The following TMEM71 variants were observed in gnomAD, a reference collection of about 807,000 sequenced individuals.
TMEM71 encodes transmembrane protein 71.
In TMEM71, 44 loss-of-function variants were observed where a neutral mutation model predicts 38.0. The observed-to-expected ratio is 1.16, with a 90% CI of 0.91 to 1.49. The LOEUF (loss-of-function observed/expected upper bound fraction) is 1.49, where lower values mean the gene tolerates loss of function less well. Ranked by LOEUF, TMEM71 falls within the 40% of genes most tolerant of loss-of-function variation. TMEM71 has a pLI of 0.00. For synonymous variants in TMEM71, 133 were observed against 122.5 expected, an observed-to-expected ratio of 1.09 and a Z score of -0.56; for missense variants, 367 against 348.6, an observed-to-expected ratio of 1.05 and a Z score of -0.42.
chr8:132,721,344 A>G (rs1826831254), intron 7 of TMEM71, among the ~76,000 whole-genome samples: 1 of 152,132 alleles, frequency 6.6e-6, no homozygotes, highest in Non-Finnish European at 1.5e-5. Context: ...TACAAATACA[A>G]TGGGAAGGGT....
At chr8:132,748,870 T>C (rs1828538083) in intron 4 of TMEM71, among the ~76,000 whole-genome samples, 2 of 152,178 alleles carry the variant, frequency 1.3e-5, no homozygotes, top group Admixed American at 1.3e-4. Context: ...TGGAATCCTA[T>C]TTCCACCTAA....
chr8:132,753,934 A>G (rs993628310), intron 3 of TMEM71, among the ~76,000 whole-genome samples: 3 of 152,064 alleles, frequency 2.0e-5, no homozygotes, highest in African/African-American at 7.2e-5. Context: ...CTATTTAAAG[A>G]GAGTTTCCAT....
chr8:132,729,293 G>T (rs1413512440), intron 5 of TMEM71, among the ~76,000 whole-genome samples: 1 of 152,116 alleles, frequency 6.6e-6, no homozygotes, highest in Non-Finnish European at 1.5e-5. Flanking sequence ...TCAACCACAG[G>T]GATAGTTAAG....
At chr8:132,738,366 T>C (rs1447794546) in intron 5 of TMEM71, among the ~76,000 whole-genome samples, 1 of 152,182 alleles carries the variant, frequency 6.6e-6, no homozygotes, top group African/African-American at 2.4e-5. Flanking sequence ...TACCTCAGTT[T>C]TCTTTGATTC....
chr8:132,726,885 ACCCAGG>A (rs1827173695), intron 6 of TMEM71, among the ~76,000 whole-genome samples: 1 of 144,162 alleles, frequency 6.9e-6, no homozygotes, highest in Non-Finnish European at 1.5e-5. Context: ...TTACTCTGTC[ACCCAGG>A]CTGGAATGCA....
rs780728302 is a variant in TMEM71, at chr8:132,728,036, G to T, written c.488-50C>A. 3.9e-5 allele frequency: 54 copies of T among 1,401,734 alleles called. No individual in the cohort carries two copies. In the Middle Eastern group the frequency reaches 1.0e-3, roughly 26 times the overall value. 86.8% of individuals were successfully genotyped at this position (1,401,734 alleles called of 1,614,324 possible). A position where few individuals can be genotyped will look rare whatever the true frequency, so the allele number is the denominator to read the frequency against. On this transcript the variant is annotated intron_variant, in intron 5 of 9. Coordinates refer to ENST00000677595, the MANE Select transcript of TMEM71 (RefSeq NM_001382403.1). ...TGAGTGTGTGTGTGTGTGTGTGTGT[G>T]TGTGTGTGTGTGTTCAGTGACTGCT... is the stretch of plus-strand genomic sequence containing the variant.
downstream of TMEM71, among the ~76,000 whole-genome samples, chr8:132,707,211 C>T (rs984206356): frequency 1.3e-5 from 2 of 151,980 alleles, no homozygotes; most frequent in African/African-American, 4.8e-5. Flanking sequence ...TATTTAGAAA[C>T]GTAATTGGTA....
At chr8:132,767,249 G>C in the TMEM71 span, among the ~76,000 whole-genome samples, 2 of 152,026 alleles carry the variant, frequency 1.3e-5, no homozygotes, top group Non-Finnish European at 2.9e-5. Flanking sequence ...GCGTTTCTTG[G>C]GGGCAGAGCA....
At chr8:132,713,920 A>G in intron 9 of TMEM71, 75 bp downstream of exon 9, 4 of 1,432,682 alleles carry the variant, frequency 2.8e-6, no homozygotes, top group Non-Finnish European at 3.9e-6. Context: ...TCTACTATGC[A>G]GCAGAAACCA....
At chr8:132,742,233 T>C (rs978638884) in intron 5 of TMEM71, among the ~76,000 whole-genome samples, 1 of 152,258 alleles carries the variant, frequency 6.6e-6, no homozygotes, top group Non-Finnish European at 1.5e-5. Context: ...GGTATAACTA[T>C]TTTTGTTTTA....
chr8:132,766,382 G>C, the TMEM71 span, among the ~76,000 whole-genome samples: 1 of 125,418 alleles, frequency 8.0e-6, no homozygotes, highest in African/African-American at 3.0e-5. Flanking sequence ...GTGATGGGTA[G>C]ATGTATATCA....
chr8:132,732,323 AG>A (rs1477327193), intron 5 of TMEM71, among the ~76,000 whole-genome samples: 2 of 152,138 alleles, frequency 1.3e-5, no homozygotes, highest in Non-Finnish European at 2.9e-5. Context: ...GAGAGACAGC[AG>A]GAAGAGGACA....
At chr8:132,759,283 C>T (rs1829199421) in intron 1 of TMEM71, 1 of 158,610 alleles carries the variant, frequency 6.3e-6, no homozygotes, top group African/African-American at 2.4e-5. Flanking sequence ...TCATTTAGCC[C>T]CAAAACAAAC....
rs368960025 is a variant in TMEM71, at chr8:132,751,935, G to C, written c.164C>G (p.Thr55Arg). The C allele has an allele frequency of 5.0e-6, 8 of 1,614,006 alleles. No individual in the cohort carries two copies. Among genetic ancestry groups the C allele is most frequent in the Admixed American group, 1.7e-5 (1 of 59,998 alleles). The change falls in exon 4 of 10, where the codon ACA (threonine) becomes AGA (arginine). Residue 55 changes from threonine to arginine, a missense_variant. Thr to Arg is a moderately conservative substitution (Grantham distance 71). Coordinates refer to ENST00000677595, the MANE Select transcript of TMEM71 (RefSeq NM_001382403.1). ...TCGGCGACAGGTATAGTGGGAGCCT[G>C]TCAGGGGATCTATGGAGCCGCATTC... The part of the protein sequence containing the change: ...SFECGSIDPL[T>R]GSHYTCRRSP...
chr8:132,737,654 C>T (rs568340779), intron 5 of TMEM71, among the ~76,000 whole-genome samples: 1 of 152,288 alleles, frequency 6.6e-6, no homozygotes, highest in South Asian at 2.1e-4. Flanking sequence ...ATAATAATAA[C>T]TCAGAGGCTT....
At chr8:132,720,700 A>C (rs534596658) in intron 7 of TMEM71, among the ~76,000 whole-genome samples, 2 of 152,326 alleles carry the variant, frequency 1.3e-5, no homozygotes, top group African/African-American at 4.8e-5. Context: ...CTTTGTATTT[A>C]AAAAAGCACC....
intron 5 of TMEM71, among the ~76,000 whole-genome samples, chr8:132,746,430 T>C (rs1484801726): frequency 2.1e-5 from 3 of 141,536 alleles, no homozygotes; most frequent in Non-Finnish European, 4.5e-5. Flanking sequence ...TATATATACA[T>C]ATATATATAC....
intron 6 of TMEM71, among the ~76,000 whole-genome samples, chr8:132,722,773 C>T (rs1166347124): frequency 6.6e-6 from 1 of 152,204 alleles, no homozygotes; most frequent in Non-Finnish European, 1.5e-5. Flanking sequence ...AAATATTTGT[C>T]TTTGAAAACT....
intron 3 of TMEM71, 108 bp from the exon 4 acceptor site, chr8:132,752,105 T>G: frequency 1.1e-6 from 1 of 869,798 alleles, no homozygotes; most frequent in Non-Finnish European, 1.8e-6. Flanking sequence ...CATCCATGAC[T>G]GTCAATTACT....
Sources: gnomAD v4.1 joint callset for allele counts (sites outside exome capture counted in the v4.1 genomes callset) on GRCh38, gnomAD v4.1.1 for gene constraint, MANE v1.5 for transcripts, NCBI Gene and HGNC (gene_info 2026-07-23, HGNC 2026-07-21) for gene names.